Variants in GDF1 observed in about 807,000 individuals in gnomAD.
GDF1 encodes the protein embryonic growth/differentiation factor 1.
Under a neutral mutation model 7.4 loss-of-function variants are expected in GDF1, and 8 were observed. The observed-to-expected ratio is 1.09, with a 90% CI of 0.64 to 1.96. GDF1 has a LOEUF of 1.96. Ranked by LOEUF, GDF1 falls within the 30% of genes most tolerant of loss-of-function variation. GDF1 has a pLI of 0.00. For missense variants in GDF1, 574 were observed against 551.5 expected, an observed-to-expected ratio of 1.04 and a Z score of -0.41; for synonymous variants, 311 against 276.7, an observed-to-expected ratio of 1.12 and a Z score of -1.23.
intron 2 of GDF1, among the ~76,000 whole-genome samples, chr19:18,884,709 CTTTTTTT>C (rs36074874): frequency 1.4e-5 from 1 of 69,128 alleles, no homozygotes; most frequent in Non-Finnish European, 2.5e-5. Context: ...GCCCAGCCGT[CTTTTTTT>C]TTTTTTTTTT....
At chr19:18,871,919 A>T (rs1327096624) in intron 6 of GDF1, among the ~76,000 whole-genome samples, 1 of 152,182 alleles carries the variant, frequency 6.6e-6, no homozygotes, top group Non-Finnish European at 1.5e-5. Flanking sequence ...TGGCTCTGGG[A>T]TGACTCCAGG....
chr19:18,884,064 C>T (rs1471610120), intron 3 of GDF1, 23 bp downstream of exon 3: 1 of 1,602,546 alleles, frequency 6.2e-7, no homozygotes. Context: ...CCTCGGCCCC[C>T]TGCCACCCGA....
intron 2 of GDF1, among the ~76,000 whole-genome samples, chr19:18,886,212 C>T (rs371232090): frequency 6.6e-6 from 1 of 151,760 alleles, no homozygotes; most frequent in African/African-American, 2.4e-5. Flanking sequence ...TCGAGACCAG[C>T]CTGGACAACA....
chr19:18,885,698 T>C (rs1277141392), intron 2 of GDF1, among the ~76,000 whole-genome samples: 1 of 151,426 alleles, frequency 6.6e-6, no homozygotes, highest in East Asian at 1.9e-4. Context: ...TTTTTTTTTT[T>C]TCAGTAGAGA....
At chr19:18,890,782 G>GGA (rs1555706585) in intron 2 of GDF1, among the ~76,000 whole-genome samples, 4 of 83,466 alleles carry the variant, frequency 4.8e-5, no homozygotes, top group African/African-American at 1.3e-4. Flanking sequence ...CCGCGTCTGG[G>GGA]GAAAAAAAAA....
At position 18,869,960 on chromosome 19, in the gene GDF1, T is replaced by A. The variant is rs1056329210; in HGVS notation, c.325+23A>T. 4 of 1,566,084 alleles carry A rather than the reference T, an allele frequency of 2.6e-6. No homozygotes were observed. In the Admixed American group the frequency reaches 7.4e-5, roughly 29 times the overall value. ...CGAGGTCTGGCCTCCAGGACCAGTG[T>A]CCCCAGCGAAAGCCCCACTCACCGC... On this transcript the variant is annotated intron_variant, in intron 7 of 7. Coordinates refer to ENST00000247005, the MANE Select transcript of GDF1 (RefSeq NM_001492.6).
In GDF1 at chr19:18,870,756, C is replaced by T. The variant is rs559519974; in HGVS notation, c.-312-137G>A. On this transcript the variant is annotated intron_variant, in intron 6 of 7. Coordinates refer to ENST00000247005, the MANE Select transcript of GDF1 (RefSeq NM_001492.6). This position sits in a 1 kb window ranked among gnomAD's most constrained non-coding sequence, Gnocchi z 5.1. The stretch of plus-strand genomic sequence containing the variant: ...AGGCCCGGGCCTCGCCTTGTGGCTT[C>T]CTCCTCGCCTTCACCCTGCCCCTCC... 1 of 442,718 alleles carries T rather than the reference C, an allele frequency of 2.3e-6. No homozygotes were observed. The highest frequency in any genetic ancestry group is 4.1e-6 in the Non-Finnish European group (1 of 245,146). The allele number at this position is 442,718 out of a possible 1,614,324, so 27.4% of individuals were successfully genotyped here. A position where few individuals can be genotyped will look rare whatever the true frequency, so the allele number is the denominator to read the frequency against.
chr19:18,886,127 C>T (rs77427834), intron 2 of GDF1, among the ~76,000 whole-genome samples: 8,636 of 150,156 alleles, frequency 0.058, 294 homozygotes, highest in Middle Eastern at 0.14. Context: ...ATGCTCTGGA[C>T]GGGCACGGTG....
chr19:18,873,956 C>T (rs1166547931), intron 6 of GDF1, among the ~76,000 whole-genome samples: 3 of 151,882 alleles, frequency 2.0e-5, no homozygotes, highest in Non-Finnish European at 2.9e-5. Context: ...AGATGGGGCA[C>T]AGCTGGGTTT....
intron 2 of GDF1, among the ~76,000 whole-genome samples, chr19:18,886,629 G>C (rs1030679588): frequency 6.6e-6 from 1 of 152,114 alleles, no homozygotes; most frequent in African/African-American, 2.4e-5. Context: ...CACCAACCTG[G>C]AACTCTCTGG....
In GDF1 at chr19:18,868,612, C is replaced by T. The variant is rs1213252544; in HGVS notation, c.1104G>A (p.Glu368=). ...CCGCCCCGGGTTAGCGGCAGCCGCA[C>T]TCGTCCACCACCATGTCCTCATACT... The part of the protein sequence containing the change: ...LRQYEDMVVD[E]CGCR The change falls in exon 8 of 8, where the codon GAG becomes GAA. Residue 368 remains glutamate, a synonymous_variant. Coordinates refer to ENST00000247005, the MANE Select transcript of GDF1 (RefSeq NM_001492.6). 2 of 1,563,202 alleles carry T rather than the reference C, an allele frequency of 1.3e-6. No individual in the cohort carries two copies. The highest frequency in any genetic ancestry group is 1.7e-6 in the Non-Finnish European group (2 of 1,154,024).
At position 18,895,881 on chromosome 19, in the gene GDF1, C is replaced by A. The variant is rs1234586544; in HGVS notation, c.-1131G>T. 6.3e-6 allele frequency: 8 copies of A among 1,279,740 alleles called. No homozygotes were observed. In the Admixed American group the frequency reaches 2.9e-4, roughly 47 times the overall value. The allele number at this position is 1,279,740 out of a possible 1,614,324, so 79.3% of individuals were successfully genotyped here. ...GGGCGGTCCAGCCCAGCGCGCCGAG[C>A]GCCAGCAGCAGCAGCTCGGGCGGCG... is the stretch of plus-strand genomic sequence containing the variant. On this transcript the variant is annotated 5_prime_UTR_variant, in exon 1 of 8. Coordinates refer to ENST00000247005, the MANE Select transcript of GDF1 (RefSeq NM_001492.6). The surrounding 1 kb of genome is among the most constrained non-coding windows in gnomAD (Gnocchi z 6.4).
At chr19:18,893,129 G>A (rs2056535438) in intron 2 of GDF1, among the ~76,000 whole-genome samples, 1 of 152,088 alleles carries the variant, frequency 6.6e-6, no homozygotes, top group South Asian at 2.1e-4. Flanking sequence ...TAGCCAGGAT[G>A]GTCTCGATCT....
intron 2 of GDF1, among the ~76,000 whole-genome samples, chr19:18,887,914 T>A (rs1007985928): frequency 1.3e-5 from 2 of 151,910 alleles, no homozygotes; most frequent in Non-Finnish European, 2.9e-5. Context: ...TCTCTCCCCA[T>A]TCCCCTCCCC....
rs150044084 is a variant in GDF1, at chr19:18,871,340, C to A, written c.-312-721G>T. 6.9e-3 allele frequency among the ~76,000 whole-genome samples: 1,051 copies of A among 151,624 alleles called. 7 individuals carry two copies. Among genetic ancestry groups the A allele is most frequent in the South Asian group, 0.025 (121 of 4,798 alleles). ...CTCCTGAGTTCAAGCGATTCTCCTG[C>A]CTCAGCCTCCTGAGTAGTGTGGTGG... On this transcript the variant is annotated intron_variant, in intron 6 of 7. Transcript: ENST00000247005.
Position 18,895,425 on chromosome 19 carries a change from CG to C in GDF1, c.-1074+398del, listed in dbSNP as rs1025741276. Reference sequence around the variant, plus strand: ...TTCTCAGTGTCTGGCTCGGCCCTGCCGGAAAGAGCGCGCGGTGGCCGGAGCC... The same window carrying C: ...TTCTCAGTGTCTGGCTCGGCCCTGCCGAAAGAGCGCGCGGTGGCCGGAGCC... On this transcript the variant is annotated intron_variant, in intron 1 of 7. Coordinates refer to ENST00000247005, the MANE Select transcript of GDF1 (RefSeq NM_001492.6). The surrounding 1 kb of genome is among the most constrained non-coding windows in gnomAD (Gnocchi z 6.4). Among the ~76,000 whole-genome samples the C allele has an allele frequency of 1.1e-4, 16 of 152,154 alleles. No homozygotes were observed. Among genetic ancestry groups the C allele is most frequent in the Admixed American group, 3.3e-4 (5 of 15,288 alleles).
chr19:18,885,940 C>A (rs1264448097), intron 2 of GDF1, among the ~76,000 whole-genome samples: 1 of 152,212 alleles, frequency 6.6e-6, no homozygotes, highest in Non-Finnish European at 1.5e-5. Flanking sequence ...ACCATGCCAC[C>A]AAGCGCAGGG....
At chr19:18,874,715 C>A (rs1316275754) in intron 6 of GDF1, among the ~76,000 whole-genome samples, 1 of 152,148 alleles carries the variant, frequency 6.6e-6, no homozygotes, top group East Asian at 1.9e-4. Context: ...TACTGGCTAC[C>A]CACATCACCA....
At chr19:18,893,641 G>A in intron 1 of GDF1, 66 bp from the exon 2 acceptor site, 1 of 1,490,850 alleles carries the variant, frequency 6.7e-7, no homozygotes, top group Non-Finnish European at 9.1e-7. Flanking sequence ...CTTTGGGGTG[G>A]GGAAACTGAG....
Sources: gnomAD v4.1 joint callset for allele counts (sites outside exome capture counted in the v4.1 genomes callset) on GRCh38, gnomAD v4.1.1 for gene constraint, Gnocchi (gnomAD v3.1) non-coding constraint, MANE v1.5 for transcripts, NCBI Gene and HGNC (gene_info 2026-07-23, HGNC 2026-07-21) for gene names.